The following KLHL1 variants were observed in gnomAD, a reference collection of about 807,000 sequenced individuals.
KLHL1 encodes the protein kelch-like protein 1.
Under a neutral mutation model 77.7 loss-of-function variants are expected in KLHL1, and 47 were observed. The ratio of observed to expected loss-of-function variants is 0.60; its 90% CI spans 0.48 to 0.77. The LOEUF (loss-of-function observed/expected upper bound fraction) is 0.77. Ranked by LOEUF, KLHL1 falls within the 30% of genes least tolerant of loss-of-function variation. KLHL1 has a pLI of 0.00. For missense variants in KLHL1, 925 were observed against 910.8 expected (o/e 1.02, Z -0.20); for synonymous variants, 360 against 325.2 (o/e 1.11, Z -1.15).
At chr13:69,942,024 C>A (rs1883380315) in intron 3 of KLHL1, among the ~76,000 whole-genome samples, 1 of 151,978 alleles carries the variant, frequency 6.6e-6, no homozygotes. Context: ...ACCAGACATT[C>A]AAAGGAGAGT....
rs905180694 is a variant in KLHL1 at position 69,882,415 on chromosome 13, A to T, written c.1095T>A (p.Asp365Glu). The T allele has an allele frequency of 5.0e-6, 8 of 1,613,610 alleles. No homozygotes were observed. Among genetic ancestry groups the T allele is most frequent in the Non-Finnish European group, 5.9e-6 (7 of 1,179,648 alleles). ...TTTCTTCATCAGGAACATTGACATC[A>T]TCACTGGCCAGTAGTTTATGGAGCT... The part of the protein sequence containing the change: ...AEELHKLLAS[D>E]DVNVPDEETI... Residue 365 changes from aspartate (D) to glutamate (E), a missense_variant, in exon 5 of 11, where the codon GAT becomes GAA. Transcript: ENST00000377844.
At chr13:69,967,051 G>A (rs973021201) in intron 2 of KLHL1, among the ~76,000 whole-genome samples, 10 of 152,066 alleles carry the variant, frequency 6.6e-5, no homozygotes, top group African/African-American at 2.2e-4. Flanking sequence ...CTGATATTGT[G>A]AATAGTGGTG....
chr13:70,060,988 T>G (rs2501213), intron 1 of KLHL1, among the ~76,000 whole-genome samples: 102,127 of 152,064 alleles, frequency 0.67, 34,946 homozygotes, highest in African/African-American at 0.81. Flanking sequence ...ACACAAAGAC[T>G]AAGTTCAGAT....
chr13:70,089,306 T>C (rs1488348270), intron 1 of KLHL1, among the ~76,000 whole-genome samples: 3 of 152,142 alleles, frequency 2.0e-5, no homozygotes, highest in African/African-American at 7.2e-5. Flanking sequence ...TTTGTTGTTG[T>C]TGTTTTGCCT....
rs186418473 is a variant in KLHL1 at position 70,071,839 on chromosome 13, G to A, written c.497+35364C>T. On this transcript the variant is annotated intron_variant, in intron 1 of 10. Coordinates refer to ENST00000377844, the MANE Select transcript of KLHL1 (RefSeq NM_020866.3). ...CAAAGCATGGAATACAGTACATACA[G>A]CAAAATTGGAAGTATGTCTATAAAG... Among the ~76,000 whole-genome samples, 21 of 152,090 alleles carry A rather than the reference G, an allele frequency of 1.4e-4. No homozygotes were observed. The East Asian group carries it at 4.0e-3, about 29-fold the overall frequency.
At chr13:69,758,848 G>A (rs1041879753) in intron 7 of KLHL1, among the ~76,000 whole-genome samples, 37 of 151,982 alleles carry the variant, frequency 2.4e-4, no homozygotes, top group Admixed American at 1.6e-3. Context: ...TAATGTTTCC[G>A]TATTTTTATT....
chr13:69,702,596 T>G (rs1875449596), intron 10 of KLHL1, among the ~76,000 whole-genome samples: 1 of 151,678 alleles, frequency 6.6e-6, no homozygotes, highest in Non-Finnish European at 1.5e-5. Context: ...ATCACATGCA[T>G]TATCTTATTG....
At chr13:69,720,505 CAG>C (rs1385968021) in intron 8 of KLHL1, among the ~76,000 whole-genome samples, 7 of 151,976 alleles carry the variant, frequency 4.6e-5, no homozygotes, top group Non-Finnish European at 1.0e-4. Context: ...CAGGGATAGA[CAG>C]AATATACAAA....
At chr13:69,950,044 G>A (rs557914925) in intron 3 of KLHL1, among the ~76,000 whole-genome samples, 15 of 151,714 alleles carry the variant, frequency 9.9e-5, no homozygotes, top group African/African-American at 3.6e-4. Context: ...TAATTAATCT[G>A]TAAACCATGT....
chr13:69,948,482 A>T (rs1883601280), intron 3 of KLHL1, among the ~76,000 whole-genome samples: 1 of 151,992 alleles, frequency 6.6e-6, no homozygotes, highest in Non-Finnish European at 1.5e-5. Context: ...CCCTCCTCTG[A>T]TTCAAGTGGG....
intron 5 of KLHL1, among the ~76,000 whole-genome samples, chr13:69,857,269 G>C (rs1290561190): frequency 2.6e-5 from 4 of 152,014 alleles, no homozygotes; most frequent in Non-Finnish European, 5.9e-5. Context: ...TCTCTTCCAA[G>C]ACACAACATA....
Position 70,108,210 on chromosome 13 carries a change from C to G in KLHL1, c.-511G>C, listed in dbSNP as rs895402684. 3.8e-5 allele frequency: 15 copies of G among 394,658 alleles called. No homozygotes were observed. Among genetic ancestry groups the G allele is most frequent in the Admixed American group, 8.8e-5 (2 of 22,604 alleles). The allele number at this position is 394,658 out of a possible 1,614,324, so 24.4% of individuals were successfully genotyped here. ...TGGAGAGCGCAGAGAGAAAGAGCCC[C>G]AAGTCTCGAGGAAGCGTACCCCTCG... On this transcript the variant is annotated 5_prime_UTR_variant, in exon 1 of 11. Coordinates refer to ENST00000377844, the MANE Select transcript of KLHL1 (RefSeq NM_020866.3).
chr13:70,000,950 C>A (rs951686738), intron 1 of KLHL1, among the ~76,000 whole-genome samples: 3 of 146,964 alleles, frequency 2.0e-5, no homozygotes, highest in African/African-American at 5.0e-5. Flanking sequence ...AAAATAGATG[C>A]CAGAATATTA....
intron 1 of KLHL1, among the ~76,000 whole-genome samples, chr13:70,024,815 CA>C (rs1458929272): frequency 6.6e-6 from 1 of 151,828 alleles, no homozygotes; most frequent in Admixed American, 6.6e-5. Context: ...TGAGGAGCTG[CA>C]ATTTGATTCC....
At chr13:69,727,185 G>T (rs999794223) in intron 8 of KLHL1, among the ~76,000 whole-genome samples, 1 of 151,972 alleles carries the variant, frequency 6.6e-6, no homozygotes, top group Non-Finnish European at 1.5e-5. Context: ...ATCTTATTTT[G>T]GTTTTAAGCA....
intron 1 of KLHL1, among the ~76,000 whole-genome samples, chr13:70,043,778 C>T (rs575921459): frequency 5.3e-5 from 8 of 152,260 alleles, no homozygotes; most frequent in African/African-American, 1.4e-4. Flanking sequence ...TAATTATACT[C>T]TCTGATGTTG....
chr13:69,855,279 G>A (rs1168407294), intron 5 of KLHL1, among the ~76,000 whole-genome samples: 5 of 149,744 alleles, frequency 3.3e-5, no homozygotes, highest in South Asian at 2.1e-4. Context: ...TTTATCACTC[G>A]TACTAATTTT....
intron 1 of KLHL1, among the ~76,000 whole-genome samples, chr13:70,083,203 A>C (rs1182694917): frequency 6.6e-6 from 1 of 152,232 alleles, no homozygotes; most frequent in Non-Finnish European, 1.5e-5. Flanking sequence ...AATGAATCTC[A>C]ATAAATATTA....
intron 1 of KLHL1, among the ~76,000 whole-genome samples, chr13:70,030,359 C>T (rs551874717): frequency 3.6e-4 from 55 of 152,230 alleles, no homozygotes; most frequent in Admixed American, 2.9e-3. Flanking sequence ...CACTCCTCAG[C>T]AAATGTAAAA....
Sources: allele counts gnomAD v4.1 joint callset (sites outside exome capture counted in the v4.1 genomes callset), GRCh38; gene constraint gnomAD v4.1.1; transcripts MANE v1.5; gene names NCBI Gene and HGNC (gene_info 2026-07-23, HGNC 2026-07-21).